TBXAS1: variants seen among roughly 807,000 people sequenced by gnomAD.
TBXAS1 encodes the protein thromboxane-A synthase.
A neutral mutation model predicts 60.7 loss-of-function variants in TBXAS1; 48 were observed. That is an observed-to-expected ratio of 0.79 (90% CI 0.63 to 1.01). TBXAS1 has a LOEUF of 1.01. Ranked by LOEUF, TBXAS1 falls within the 50% of genes least tolerant of loss-of-function variation. TBXAS1 has a pLI of 0.00. For missense variants in TBXAS1, 685 were observed against 686.3 expected (o/e 1.00, Z 0.02); for synonymous variants, 287 against 269.7 (o/e 1.06, Z -0.63).
At chr7:139,899,304 C>T (rs973488972) in intron 3 of TBXAS1, among the ~76,000 whole-genome samples, 1 of 152,116 alleles carries the variant, frequency 6.6e-6, no homozygotes, top group Non-Finnish European at 1.5e-5. Context: ...GTAGGTGACC[C>T]CCTGCCCACC....
At chr7:139,904,510 G>C (rs1012922848) in intron 3 of TBXAS1, among the ~76,000 whole-genome samples, 2 of 152,070 alleles carry the variant, frequency 1.3e-5, no homozygotes, top group African/African-American at 2.4e-5. Flanking sequence ...GATGGGGATT[G>C]CATTGAATTT....
rs143929898 is a variant in TBXAS1 at position 139,896,688 on chromosome 7, G to C, written c.237-14537G>C. On this transcript the variant is annotated intron_variant, in intron 3 of 12. Transcript: ENST00000448866. The surrounding 1 kb of genome is among the most constrained non-coding windows in gnomAD (Gnocchi z 4.0). The stretch of plus-strand genomic sequence containing the variant: ...TTATCTACTTAGAAATGAGACTGTG[G>C]GGTTCTTCTTTTGGCCTGGGGAGCG... Among the ~76,000 whole-genome samples, 3 of 152,228 alleles carry C rather than the reference G, an allele frequency of 2.0e-5. No individual in the cohort carries two copies. The highest frequency in any genetic ancestry group is 4.4e-5 in the Non-Finnish European group (3 of 68,004).
At chr7:139,814,621 T>G (rs2116414946) in intron 4 of TBXAS1, among the ~76,000 whole-genome samples, 1 of 152,206 alleles carries the variant, frequency 6.6e-6, no homozygotes, top group African/African-American at 2.4e-5. Context: ...ATTAGGGCCT[T>G]GGGGAAATAT....
intron 4 of TBXAS1, among the ~76,000 whole-genome samples, chr7:139,793,598 T>G (rs1797459177): frequency 6.6e-6 from 1 of 152,082 alleles, no homozygotes; most frequent in South Asian, 2.1e-4. Context: ...TTGATGGACT[T>G]TTAGGGGATG....
At chr7:139,922,938 T>C (rs1349856294) in intron 4 of TBXAS1, among the ~76,000 whole-genome samples, 1 of 152,232 alleles carries the variant, frequency 6.6e-6, no homozygotes, top group African/African-American at 2.4e-5. Context: ...TGAGTCTACT[T>C]CTGGACTCTG....
chr7:139,902,081 TG>T (rs58724267), intron 3 of TBXAS1, among the ~76,000 whole-genome samples: 152,040 of 152,042 alleles, frequency 1, 76,019 homozygotes, highest in Non-Finnish European at 1. Flanking sequence ...AGAATGACCC[TG>T]GGTATGACCC....
rs547185999 is a variant in TBXAS1, at chr7:140,017,625, G to A, written c.1365-46G>A. ...AGCTGGAGCACAGGGCTGCAGAGGG[G>A]AGGGAGCGGGTGTTCTGGGCCAGCC... On this transcript the variant is annotated intron_variant, in intron 11 of 12. Coordinates refer to ENST00000448866, the MANE Select transcript of TBXAS1 (RefSeq NM_001061.7). 1.9e-6 allele frequency: 3 copies of A among 1,608,520 alleles called. No homozygotes were observed. In the East Asian group the frequency reaches 6.7e-5, roughly 36 times the overall value.
chr7:139,807,728 G>C (rs1797915111), intron 4 of TBXAS1, among the ~76,000 whole-genome samples: 1 of 151,946 alleles, frequency 6.6e-6, no homozygotes, highest in African/African-American at 2.4e-5. Context: ...GTGTTGCCCA[G>C]GCTGGTCTCA....
intron 4 of TBXAS1, among the ~76,000 whole-genome samples, chr7:139,804,535 T>C (rs777143110): frequency 2.0e-5 from 3 of 152,136 alleles, no homozygotes; most frequent in Non-Finnish European, 2.9e-5. Context: ...GGAAATGAGA[T>C]GTGGGAGGGG....
intron 3 of TBXAS1, 153 bp downstream of exon 3, chr7:139,875,790 C>A: frequency 1.0e-6 from 1 of 999,420 alleles, no homozygotes; most frequent in Non-Finnish European, 1.5e-6. Context: ...AAGAGGGAGT[C>A]CTGCAGTACA....
chr7:139,803,794 A>G (rs1228204981), intron 4 of TBXAS1, among the ~76,000 whole-genome samples: 1 of 152,208 alleles, frequency 6.6e-6, no homozygotes, highest in Non-Finnish European at 1.5e-5. Flanking sequence ...AGCAGCTTTT[A>G]CATGGTTTGA....
intron 3 of TBXAS1, chr7:139,906,079 T>C: frequency 2.4e-6 from 1 of 414,752 alleles, no homozygotes; most frequent in Non-Finnish European, 4.7e-6. Context: ...TCTTTTTTTT[T>C]TTTTCTCACT....
intron 1 of TBXAS1, among the ~76,000 whole-genome samples, chr7:139,842,356 G>C (rs1799505735): frequency 1.3e-5 from 2 of 152,104 alleles, no homozygotes; most frequent in African/African-American, 4.8e-5. Context: ...GCCTTCCCGG[G>C]AAGGAAGTGA....
chr7:139,816,824 C>A (rs1798160210), intron 4 of TBXAS1, among the ~76,000 whole-genome samples: 1 of 152,136 alleles, frequency 6.6e-6, no homozygotes, highest in Non-Finnish European at 1.5e-5. Context: ...TCCAAGAAAT[C>A]CTGTCTCTGA....
At chr7:139,889,032 A>G (rs1803342808) in intron 3 of TBXAS1, among the ~76,000 whole-genome samples, 1 of 152,046 alleles carries the variant, frequency 6.6e-6, no homozygotes. Flanking sequence ...AGAATTTTAT[A>G]GAGAAAGTGT....
intron 4 of TBXAS1, among the ~76,000 whole-genome samples, chr7:139,930,537 A>G (rs1270924955): frequency 2.6e-5 from 4 of 152,234 alleles, no homozygotes; most frequent in African/African-American, 9.6e-5. Flanking sequence ...ATCTGACTCT[A>G]GAGGCAATGT....
rs1025126936 is a variant in TBXAS1 at position 139,931,989 on chromosome 7, A to C, written c.334-4202A>C. On this transcript the variant is annotated intron_variant, in intron 4 of 12. Transcript: ENST00000448866. ...CTGGTGATAGTAGCACAACCATGTGAGTGTACTTAATACCACCAAACTGTA... is the reference window on the plus strand; with the variant it reads ...CTGGTGATAGTAGCACAACCATGTGCGTGTACTTAATACCACCAAACTGTA... Among the ~76,000 whole-genome samples, 4 of 152,094 alleles carry C rather than the reference A, an allele frequency of 2.6e-5. No individual in the cohort carries two copies. In the East Asian group the frequency reaches 7.7e-4, roughly 29 times the overall value.
chr7:139,831,560 C>T (rs1367029009), intron 1 of TBXAS1, among the ~76,000 whole-genome samples: 1 of 152,206 alleles, frequency 6.6e-6, no homozygotes, highest in African/African-American at 2.4e-5. Flanking sequence ...CATTGCAGCA[C>T]ATTAGTCTTT....
chr7:140,011,300 A>G (rs1814592236), intron 10 of TBXAS1, among the ~76,000 whole-genome samples: 1 of 137,276 alleles, frequency 7.3e-6, no homozygotes, highest in Admixed American at 7.1e-5. Flanking sequence ...AAACAAACAA[A>G]CAAAAAAAAC....
Sources: gnomAD v4.1 joint callset for allele counts (sites outside exome capture counted in the v4.1 genomes callset) on GRCh38, gnomAD v4.1.1 for gene constraint, Gnocchi (gnomAD v3.1) non-coding constraint, MANE v1.5 for transcripts, NCBI Gene and HGNC (gene_info 2026-07-23, HGNC 2026-07-21) for gene names.